IGSF5: variants seen among roughly 807,000 people sequenced by gnomAD.
IGSF5 encodes the protein immunoglobulin superfamily member 5, also known as immunoglobulin superfamily 5 like.
Under a neutral mutation model 39.4 loss-of-function variants are expected in IGSF5, and 41 were observed. The observed-to-expected ratio is 1.04, with a 90% confidence interval of 0.81 to 1.35. The LOEUF (loss-of-function observed/expected upper bound fraction) is 1.35. Ranked by LOEUF, IGSF5 falls within the 40% of genes most tolerant of loss-of-function variation. IGSF5 has a pLI of 0.00. For synonymous variants in IGSF5, 183 were observed against 175.3 expected (o/e 1.04, Z -0.34); for missense variants, 487 against 494.6 (o/e 0.98, Z 0.15).
the IGSF5 span, among the ~76,000 whole-genome samples, chr21:39,719,672 TAACACTGCTGCAC>T: frequency 6.6e-6 from 1 of 152,338 alleles, no homozygotes; most frequent in Admixed American, 6.5e-5. Context: ...CAATACGACT[TAACACTGCTGCAC>T]ATCACACCAC....
rs146703590 is a variant in IGSF5 at position 39,801,295 on chromosome 21, C to T, written c.1162C>T (p.His388Tyr). The T allele has an allele frequency of 6.9e-4, 1,111 of 1,614,106 alleles. 2 individuals carry two copies. The highest frequency in any genetic ancestry group is 1.0e-3 in the South Asian group (92 of 91,064). Residue 388 changes from histidine (H) to tyrosine (Y), a missense_variant, in exon 9 of 9, where the codon CAT (histidine) becomes TAT (tyrosine). By Grantham distance (83) the His-to-Tyr change is moderately conservative (BLOSUM62 2). Transcript: ENST00000380588. The part of the protein sequence containing the change: ...ADQRPPRPAS[H>Y]PQASFNLASP... Reference sequence around the variant, plus strand: ...TCAACGTCCACCCAGGCCAGCAAGTCATCCACAGGCTTCTTTTAATCTGGC... The same window carrying T: ...TCAACGTCCACCCAGGCCAGCAAGTTATCCACAGGCTTCTTTTAATCTGGC...
chr21:39,786,668 T>C (rs1284683235), intron 5 of IGSF5, among the ~76,000 whole-genome samples: 1 of 152,018 alleles, frequency 6.6e-6, no homozygotes, highest in East Asian at 1.9e-4. Context: ...CGTATGTTTA[T>C]TGTGGCATTA....
the IGSF5 span, among the ~76,000 whole-genome samples, chr21:39,720,947 C>T: frequency 2.0e-5 from 3 of 152,068 alleles, no homozygotes; most frequent in African/African-American, 7.2e-5. Context: ...CAAAACCAAC[C>T]ACAGCCACCC....
At chr21:39,798,972 AC>A (rs2087013095) in intron 8 of IGSF5, among the ~76,000 whole-genome samples, 1 of 152,134 alleles carries the variant, frequency 6.6e-6, no homozygotes, top group African/African-American at 2.4e-5. Context: ...TGGAGTTTTG[AC>A]CACCAAAGGC....
At chr21:39,795,129 T>C (rs1169258992) in intron 8 of IGSF5, among the ~76,000 whole-genome samples, 1 of 152,202 alleles carries the variant, frequency 6.6e-6, no homozygotes, top group African/African-American at 2.4e-5. Context: ...TTCCAGTGAC[T>C]TTCCTCAGGC....
At chr21:39,723,076 G>A in the IGSF5 span, among the ~76,000 whole-genome samples, 9 of 152,308 alleles carry the variant, frequency 5.9e-5, no homozygotes, top group South Asian at 1.2e-3. Context: ...AACATCACAC[G>A]TTTATTAGGT....
chr21:39,789,739 G>A (rs1046103917), intron 6 of IGSF5, among the ~76,000 whole-genome samples: 12 of 152,022 alleles, frequency 7.9e-5, no homozygotes, highest in Non-Finnish European at 1.5e-5. Context: ...AGTAATTATT[G>A]TTAACTAACT....
intron 2 of IGSF5, among the ~76,000 whole-genome samples, chr21:39,753,796 G>T (rs1472982311): frequency 6.6e-6 from 1 of 151,710 alleles, no homozygotes; most frequent in African/African-American, 2.4e-5. Flanking sequence ...AATAAGAATA[G>T]CTACTTTTGC....
intron 4 of IGSF5, 122 bp from the exon 5 acceptor site, chr21:39,778,968 C>T (rs1601135337): frequency 1.7e-6 from 2 of 1,186,872 alleles, no homozygotes; most frequent in Non-Finnish European, 2.3e-6. Context: ...CCTATGACGC[C>T]TAGCCATAGC....
chr21:39,768,446 C>G (rs571968879), intron 3 of IGSF5, among the ~76,000 whole-genome samples: 17 of 152,328 alleles, frequency 1.1e-4, no homozygotes, highest in African/African-American at 4.1e-4. Context: ...ATGCTACTGG[C>G]TAACCTTTGT....
the IGSF5 span, among the ~76,000 whole-genome samples, chr21:39,716,715 A>C: frequency 6.6e-6 from 1 of 152,224 alleles, no homozygotes; most frequent in Non-Finnish European, 1.5e-5. Flanking sequence ...TCTATGGTGT[A>C]TATGTACCAC....
At chr21:39,797,218 CTT>C (rs11385437) in intron 8 of IGSF5, among the ~76,000 whole-genome samples, 9 of 123,748 alleles carry the variant, frequency 7.3e-5, no homozygotes, top group Admixed American at 9.0e-5. Context: ...AGCTCCTTTG[CTT>C]TTTTTTTTTT....
upstream of IGSF5, among the ~76,000 whole-genome samples, chr21:39,741,578 G>C (rs1216705735): frequency 6.6e-6 from 1 of 152,214 alleles, no homozygotes; most frequent in Non-Finnish European, 1.5e-5. Flanking sequence ...AATCATCCAT[G>C]CACTGAAGGA....
intron 4 of IGSF5, among the ~76,000 whole-genome samples, chr21:39,774,934 T>C (rs1395476499): frequency 6.6e-6 from 1 of 152,188 alleles, no homozygotes; most frequent in Non-Finnish European, 1.5e-5. Context: ...TTCTCACCTG[T>C]AAAGTGGGTA....
chr21:39,793,409 A>G (rs1433538083), intron 7 of IGSF5, 125 bp from the exon 8 acceptor site: 4 of 633,194 alleles, frequency 6.3e-6, no homozygotes, highest in African/African-American at 3.7e-5. Context: ...AAAAGTGTTC[A>G]TGGTTAAGGA....
chr21:39,778,382 C>T (rs1276864252), intron 4 of IGSF5, among the ~76,000 whole-genome samples: 1 of 152,138 alleles, frequency 6.6e-6, no homozygotes, highest in Non-Finnish European at 1.5e-5. Context: ...TGGCTTTTTC[C>T]TCTCTCCTTC....
At chr21:39,724,023 G>A in the IGSF5 span, among the ~76,000 whole-genome samples, 6 of 151,056 alleles carry the variant, frequency 4.0e-5, no homozygotes, top group African/African-American at 7.3e-5. Context: ...ACAAGATTGC[G>A]CCACTGCACT....
chr21:39,753,983 A>G (rs2080018016), intron 2 of IGSF5, among the ~76,000 whole-genome samples: 1 of 151,898 alleles, frequency 6.6e-6, no homozygotes, highest in Non-Finnish European at 1.5e-5. Context: ...CATTTAGGCC[A>G]TTTACATTAG....
At chr21:39,770,003 A>G (rs1397967147) in intron 3 of IGSF5, among the ~76,000 whole-genome samples, 2 of 152,142 alleles carry the variant, frequency 1.3e-5, no homozygotes, top group Admixed American at 6.6e-5. Flanking sequence ...AAAAAAATTC[A>G]GTGACTTGCC....
Sources: gnomAD v4.1 joint callset for allele counts (sites outside exome capture counted in the v4.1 genomes callset) on GRCh38, gnomAD v4.1.1 for gene constraint, MANE v1.5 for transcripts, NCBI Gene and HGNC (gene_info 2026-07-23, HGNC 2026-07-21) for gene names.